NKAIN3: variants seen among roughly 807,000 people sequenced by gnomAD.
NKAIN3 encodes sodium/potassium-transporting ATPase subunit beta-1-interacting protein 3.
A neutral mutation model predicts 30.2 loss-of-function variants in NKAIN3; 25 were observed. That is an observed-to-expected ratio of 0.83 (90% CI 0.60 to 1.16). NKAIN3 has a LOEUF of 1.16. Among genes scored for constraint, NKAIN3 ranks in the 50% most tolerant of loss-of-function variants. NKAIN3 has a pLI of 0.00. For missense variants in NKAIN3, 225 were observed against 254.1 expected (o/e 0.89, Z 0.78); for synonymous variants, 91 against 89.6 (o/e 1.02, Z -0.09).
intron 3 of NKAIN3, among the ~76,000 whole-genome samples, chr8:62,690,513 A>G (rs1192741598): frequency 6.6e-6 from 1 of 152,222 alleles, no homozygotes; most frequent in Non-Finnish European, 1.5e-5. Flanking sequence ...GAAGTTTTCC[A>G]AATTCGTCAC....
intron 4 of NKAIN3, among the ~76,000 whole-genome samples, chr8:62,879,515 T>G (rs1024603349): frequency 2.0e-5 from 3 of 151,982 alleles, no homozygotes; most frequent in Non-Finnish European, 2.9e-5. Context: ...TCTTTAGCTG[T>G]TGTGTTTTTG....
chr8:62,933,092 T>A (rs1465140596), intron 5 of NKAIN3, among the ~76,000 whole-genome samples: 2 of 151,840 alleles, frequency 1.3e-5, no homozygotes, highest in East Asian at 3.9e-4. Flanking sequence ...CCACTTCAGA[T>A]GCTCTGCTGG....
chr8:62,819,768 G>A (rs2075406505), intron 4 of NKAIN3, among the ~76,000 whole-genome samples: 1 of 151,976 alleles, frequency 6.6e-6, no homozygotes, highest in Admixed American at 6.6e-5. Flanking sequence ...CTCTGAAATT[G>A]TAAACCCACA....
chr8:62,883,275 A>C (rs1398704145), intron 4 of NKAIN3, among the ~76,000 whole-genome samples: 1 of 152,000 alleles, frequency 6.6e-6, no homozygotes, highest in Non-Finnish European at 1.5e-5. Context: ...TCTTGTGCAT[A>C]TTTTGTTAGA....
At chr8:62,901,157 T>C (rs896369110) in intron 4 of NKAIN3, among the ~76,000 whole-genome samples, 7 of 152,144 alleles carry the variant, frequency 4.6e-5, no homozygotes, top group Non-Finnish European at 7.3e-5. Context: ...GCCAAGACCA[T>C]AGGGGAGGCC....
rs979900508 is a variant in NKAIN3, at chr8:62,683,005, C to G, written c.274-63927C>G. On this transcript the variant is annotated intron_variant, in intron 3 of 6. Coordinates refer to ENST00000623646, the MANE Select transcript of NKAIN3 (RefSeq NM_001304533.3). ...AAGTAGTAATTTGCCAATTATGTGT[C>G]AGGTTTTGTTTGTTTGTTTTTTTGT... Among the ~76,000 whole-genome samples, 21 of 150,956 alleles carry G rather than the reference C, an allele frequency of 1.4e-4. No homozygotes were observed. The South Asian group carries it at 1.7e-3, about 12-fold the overall frequency.
chr8:62,519,570 A>G (rs1252333312), intron 1 of NKAIN3, among the ~76,000 whole-genome samples: 3 of 152,300 alleles, frequency 2.0e-5, no homozygotes, highest in East Asian at 1.9e-4. Flanking sequence ...AATGGCTTTT[A>G]ACTTAAAGTG....
chr8:62,274,272 T>C (rs1225235339), intron 1 of NKAIN3, among the ~76,000 whole-genome samples: 1 of 152,198 alleles, frequency 6.6e-6, no homozygotes, highest in East Asian at 1.9e-4. Context: ...AAGCAATTTT[T>C]TGGAGACTGT....
At chr8:62,395,825 A>G (rs1817737177) in intron 1 of NKAIN3, among the ~76,000 whole-genome samples, 1 of 152,226 alleles carries the variant, frequency 6.6e-6, no homozygotes, top group African/African-American at 2.4e-5. Flanking sequence ...TGAGCAATTG[A>G]TCAATAGAGG....
intron 3 of NKAIN3, among the ~76,000 whole-genome samples, chr8:62,727,775 G>A (rs78947398): frequency 6.6e-6 from 1 of 152,086 alleles, no homozygotes; most frequent in Non-Finnish European, 1.5e-5. Flanking sequence ...TCCCAACTTA[G>A]TCTATATATT....
chr8:62,946,367 T>A (rs1224808636), intron 5 of NKAIN3, among the ~76,000 whole-genome samples: 1 of 152,172 alleles, frequency 6.6e-6, no homozygotes, highest in Non-Finnish European at 1.5e-5. Flanking sequence ...TGGCCTGTGT[T>A]TTGGCACAGC....
intron 1 of NKAIN3, among the ~76,000 whole-genome samples, chr8:62,249,571 T>G (rs1378803791): frequency 6.6e-6 from 1 of 152,222 alleles, no homozygotes; most frequent in African/African-American, 2.4e-5. Context: ...AATGCCCAGG[T>G]TCTGAGGAGA....
intron 1 of NKAIN3, among the ~76,000 whole-genome samples, chr8:62,473,591 T>C (rs1806424532): frequency 6.6e-6 from 1 of 152,204 alleles, no homozygotes; most frequent in Non-Finnish European, 1.5e-5. Context: ...AAAGAATCTT[T>C]CTTATTCATC....
chr8:62,432,938 T>G (rs1805060283), intron 1 of NKAIN3, among the ~76,000 whole-genome samples: 1 of 152,120 alleles, frequency 6.6e-6, no homozygotes. Flanking sequence ...CCATTTGGTA[T>G]GTCTGAACCA....
intron 6 of NKAIN3, among the ~76,000 whole-genome samples, chr8:62,955,939 A>G (rs911592527): frequency 2.6e-5 from 4 of 152,270 alleles, no homozygotes; most frequent in Non-Finnish European, 5.9e-5. Flanking sequence ...AGAAAGCAAT[A>G]GAACAAGCTT....
At chr8:62,770,955 G>C (rs1316908359) in intron 4 of NKAIN3, among the ~76,000 whole-genome samples, 1 of 152,026 alleles carries the variant, frequency 6.6e-6, no homozygotes, top group Non-Finnish European at 1.5e-5. Flanking sequence ...AAAATATTCA[G>C]TTTTCAACGA....
chr8:62,800,088 T>C (rs1818005566), intron 4 of NKAIN3, among the ~76,000 whole-genome samples: 1 of 152,086 alleles, frequency 6.6e-6, no homozygotes, highest in African/African-American at 2.4e-5. Flanking sequence ...AGACTATAAA[T>C]TGGGTACAGT....
At chr8:62,592,271 A>G (rs997354456) in intron 3 of NKAIN3, among the ~76,000 whole-genome samples, 2 of 152,066 alleles carry the variant, frequency 1.3e-5, no homozygotes, top group East Asian at 3.9e-4. Flanking sequence ...TCTCATGGGC[A>G]GGAAAGCCTG....
At chr8:62,369,127 T>C (rs1413057646) in intron 1 of NKAIN3, among the ~76,000 whole-genome samples, 1 of 152,116 alleles carries the variant, frequency 6.6e-6, no homozygotes, top group Non-Finnish European at 1.5e-5. Flanking sequence ...TTGAGTTCTT[T>C]TTAACTTTAT....
Sources: gnomAD v4.1 joint callset for allele counts (sites outside exome capture counted in the v4.1 genomes callset) on GRCh38, gnomAD v4.1.1 for gene constraint, MANE v1.5 for transcripts, NCBI Gene and HGNC (gene_info 2026-07-23, HGNC 2026-07-21) for gene names.